Variants in OSBP2 observed in about 807,000 individuals in gnomAD.
OSBP2 encodes the protein oxysterol binding protein 2, also known as oxysterol-binding protein 2.
In OSBP2, 66 loss-of-function variants were observed where a neutral mutation model predicts 96.0. The observed-to-expected ratio is 0.69, with a 90% CI of 0.56 to 0.84. OSBP2 has a LOEUF of 0.84. OSBP2 is among the 40% of genes least tolerant of loss of function. The pLI is 0.00. For missense variants in OSBP2, 1,038 were observed against 1,222.7 expected, an observed-to-expected ratio of 0.85 and a Z score of 2.25; for synonymous variants, 525 against 520.9, an observed-to-expected ratio of 1.01 and a Z score of -0.11.
At chr22:30,754,283 G>A (rs1352719968) in intron 2 of OSBP2, among the ~76,000 whole-genome samples, 1 of 152,166 alleles carries the variant, frequency 6.6e-6, no homozygotes, top group African/African-American at 2.4e-5. Context: ...CTCCTGTTCT[G>A]TGAAAGAAAG....
chr22:30,784,373 C>A (rs549813818), intron 2 of OSBP2, among the ~76,000 whole-genome samples: 1 of 152,012 alleles, frequency 6.6e-6, no homozygotes, highest in South Asian at 2.1e-4. Context: ...CTCACCCCAA[C>A]CTCCTGAGTA....
At chr22:30,758,712 C>G (rs777118399) in intron 2 of OSBP2, among the ~76,000 whole-genome samples, 8 of 152,056 alleles carry the variant, frequency 5.3e-5, no homozygotes, top group Non-Finnish European at 1.0e-4. Flanking sequence ...TCCATGCACA[C>G]CAGTAGGAAG....
At position 30,772,199 on chromosome 22, in the gene OSBP2, G is replaced by A. The variant is rs781157181; in HGVS notation, c.853+30830G>A. 2.6e-5 allele frequency among the ~76,000 whole-genome samples: 4 copies of A among 152,190 alleles called. No individual in the cohort carries two copies. In the South Asian group the frequency reaches 6.2e-4, roughly 24 times the overall value. On this transcript the variant is annotated intron_variant, in intron 2 of 13. Transcript: ENST00000332585. ...ATGGATCCTGCAAGTTGGGACTCCC[G>A]TGGGTGAGCTCTGGTTTTAGTGACT... is the stretch of plus-strand genomic sequence containing the variant.
chr22:30,793,334 G>A (rs1056118120), intron 2 of OSBP2, among the ~76,000 whole-genome samples: 12 of 152,122 alleles, frequency 7.9e-5, no homozygotes, highest in Admixed American at 7.9e-4. Context: ...AGGTTGCAGT[G>A]AGCTGAGATC....
chr22:30,748,872 T>C (rs136348), intron 2 of OSBP2, among the ~76,000 whole-genome samples: 99,046 of 152,044 alleles, frequency 0.65, 32,534 homozygotes, highest in Middle Eastern at 0.7. Flanking sequence ...TCCCAGCACT[T>C]TGGGAGGCCA....
intron 2 of OSBP2, among the ~76,000 whole-genome samples, chr22:30,751,692 GAC>G (rs1875364274): frequency 6.6e-6 from 1 of 152,080 alleles, no homozygotes; most frequent in Admixed American, 6.6e-5. Context: ...TCTTTTCGTT[GAC>G]ACCCAGCACT....
chr22:30,711,942 T>G (rs1215063857), intron 1 of OSBP2, among the ~76,000 whole-genome samples: 1 of 151,986 alleles, frequency 6.6e-6, no homozygotes, highest in Non-Finnish European at 1.5e-5. Context: ...CTTTGTCACT[T>G]TATTCAGCTA....
At chr22:30,773,611 A>T (rs1450738406) in intron 2 of OSBP2, among the ~76,000 whole-genome samples, 1 of 151,860 alleles carries the variant, frequency 6.6e-6, no homozygotes, top group Non-Finnish European at 1.5e-5. Context: ...TTGTTGGAGG[A>T]ATGGGGGAGG....
At chr22:30,858,210 A>G (rs376174913) in intron 2 of OSBP2, among the ~76,000 whole-genome samples, 19 of 147,796 alleles carry the variant, frequency 1.3e-4, no homozygotes, top group Admixed American at 4.1e-4. Flanking sequence ...GCAGTGGCGC[A>G]ATCTCGGCTC....
intron 3 of OSBP2, among the ~76,000 whole-genome samples, chr22:30,885,910 C>T (rs544715201): frequency 5.3e-5 from 8 of 152,286 alleles, no homozygotes; most frequent in African/African-American, 1.4e-4. Context: ...GGTTGCTGGG[C>T]GGGCTCTGAG....
rs909821514 is a variant in OSBP2, at chr22:30,906,670, C to A, written c.*331C>A. 4.1e-6 allele frequency: 1 copy of A among 246,688 alleles called. No individual in the cohort carries two copies. The highest frequency in any genetic ancestry group is 7.7e-6 in the Non-Finnish European group (1 of 129,948). The allele number at this position is 246,688 out of a possible 1,614,324, so 15.3% of individuals were successfully genotyped here. A position where few individuals can be genotyped will look rare whatever the true frequency, so the allele number is the denominator to read the frequency against. On this transcript the variant is annotated 3_prime_UTR_variant, in exon 14 of 14. Coordinates refer to ENST00000332585, the MANE Select transcript of OSBP2 (RefSeq NM_030758.4). ...CTGCGCAAATCACCAGCCCCCAACC[C>A]AGGGAGGAACTGGCCCCTCCTAGGG...
chr22:30,872,027 G>A (rs1156494935), intron 3 of OSBP2, among the ~76,000 whole-genome samples: 2 of 152,198 alleles, frequency 1.3e-5, no homozygotes, highest in African/African-American at 2.4e-5. Context: ...GTGCCCACCC[G>A]CCTCAGCTCA....
intron 3 of OSBP2, chr22:30,872,242 G>A: frequency 2.2e-6 from 1 of 456,608 alleles, no homozygotes; most frequent in Admixed American, 2.3e-5. Context: ...ACTTCTACCA[G>A]GGACACACAC....
intron 2 of OSBP2, among the ~76,000 whole-genome samples, chr22:30,790,730 A>G (rs964652182): frequency 1.3e-5 from 2 of 152,068 alleles, no homozygotes; most frequent in African/African-American, 4.8e-5. Flanking sequence ...TTTACTGAGA[A>G]TCCACTGACA....
At chr22:30,891,724 G>A (rs11705565) in intron 8 of OSBP2, among the ~76,000 whole-genome samples, 48,924 of 151,824 alleles carry the variant, frequency 0.32, 8,399 homozygotes, top group East Asian at 0.55. Flanking sequence ...CTTTGGATAC[G>A]GGGGTGGGGG....
chr22:30,796,716 C>T (rs1342857330), intron 2 of OSBP2, among the ~76,000 whole-genome samples: 2 of 152,092 alleles, frequency 1.3e-5, no homozygotes, highest in South Asian at 2.1e-4. Context: ...CCATGTTGAC[C>T]AGGTTGGTCT....
chr22:30,896,262 G>A (rs62238093), intron 12 of OSBP2, among the ~76,000 whole-genome samples: 7,475 of 151,810 alleles, frequency 0.049, 253 homozygotes, highest in East Asian at 0.12. Flanking sequence ...TCAAGTGATC[G>A]GCACACCTCG....
intron 12 of OSBP2, chr22:30,902,151 A>AAACAG: frequency 2.2e-6 from 1 of 446,618 alleles, no homozygotes; most frequent in Non-Finnish European, 3.8e-6. Flanking sequence ...AAAAAAAAAA[A>AAACAG]ACAGAGGGTC....
At position 30,905,813 on chromosome 22, in the gene OSBP2, C is replaced by T. The variant is rs1384121157; in HGVS notation, c.2376-24C>T. The T allele has an allele frequency of 3.1e-6, 5 of 1,609,832 alleles. No individual in the cohort carries two copies. The African/African-American group carries it at 6.7e-5, about 22-fold the overall frequency. On this transcript the variant is annotated intron_variant, in intron 12 of 13. Coordinates refer to ENST00000332585, the MANE Select transcript of OSBP2 (RefSeq NM_030758.4). ...GGTCCGGCTCACACCGCAGCCACCG[C>T]CACCGCCACCACCACCGCCACAGGG... is the stretch of plus-strand genomic sequence containing the variant.
Sources: allele counts gnomAD v4.1 joint callset (sites outside exome capture counted in the v4.1 genomes callset), GRCh38; gene constraint gnomAD v4.1.1; transcripts MANE v1.5; gene names NCBI Gene and HGNC (gene_info 2026-07-23, HGNC 2026-07-21).